The following ATP10B variants were observed in gnomAD, a reference collection of about 807,000 sequenced individuals.
The protein encoded by ATP10B is phospholipid-transporting ATPase VB.
Under a neutral mutation model 141.2 loss-of-function variants are expected in ATP10B, and 122 were observed. The observed-to-expected ratio is 0.86, with a 90% CI of 0.75 to 1.00. ATP10B has a LOEUF of 1.00. Among genes scored for constraint, ATP10B ranks in the 50% least tolerant of loss-of-function variants. ATP10B has a pLI of 0.00. For synonymous variants in ATP10B, 685 were observed against 692.0 expected (o/e 0.99, Z 0.16); for missense variants, 1,876 against 1,825.3 (o/e 1.03, Z -0.51).
At chr5:160,697,499 T>C (rs887150660) in intron 3 of ATP10B, among the ~76,000 whole-genome samples, 3 of 152,156 alleles carry the variant, frequency 2.0e-5, no homozygotes, top group Non-Finnish European at 2.9e-5. Flanking sequence ...AGAGCTGTGA[T>C]TGTGCCTTAT....
At chr5:160,600,877 A>G (rs1206674286) in intron 21 of ATP10B, among the ~76,000 whole-genome samples, 1 of 152,202 alleles carries the variant, frequency 6.6e-6, no homozygotes, top group African/African-American at 2.4e-5. Context: ...CCACCTTCTA[A>G]TTGCAACAGG....
At chr5:160,738,778 T>G (rs1767283845) in intron 2 of ATP10B, among the ~76,000 whole-genome samples, 1 of 152,166 alleles carries the variant, frequency 6.6e-6, no homozygotes. Context: ...GGCACATAGA[T>G]GGCTTCACTG....
chr5:160,604,917 A>G (rs6556504), intron 19 of ATP10B, among the ~76,000 whole-genome samples: 131,480 of 152,246 alleles, frequency 0.86, 57,216 homozygotes, highest in African/African-American at 0.96. Flanking sequence ...CCCAGAAGCC[A>G]AACTCTCCCC....
intron 2 of ATP10B, among the ~76,000 whole-genome samples, chr5:160,732,405 T>C (rs1766810821): frequency 6.6e-6 from 1 of 152,202 alleles, no homozygotes; most frequent in African/African-American, 2.4e-5. Flanking sequence ...TTTTCCTATG[T>C]TTTCTTCTAG....
intron 1 of ATP10B, among the ~76,000 whole-genome samples, chr5:160,834,144 C>CA (rs888575466): frequency 5.9e-5 from 9 of 151,838 alleles, no homozygotes; most frequent in Non-Finnish European, 1.2e-4. Context: ...GGCCAACAGA[C>CA]AAAATCCCAT....
At chr5:160,807,472 T>C (rs897493632) in intron 1 of ATP10B, among the ~76,000 whole-genome samples, 1 of 152,224 alleles carries the variant, frequency 6.6e-6, no homozygotes. Context: ...AGAGATGTTG[T>C]AAAGAATACT....
At chr5:160,722,295 A>G (rs754453816) in intron 2 of ATP10B, among the ~76,000 whole-genome samples, 14 of 152,238 alleles carry the variant, frequency 9.2e-5, no homozygotes, top group Non-Finnish European at 2.1e-4. Flanking sequence ...ACCACAAATT[A>G]AAGACGAAAT....
chr5:160,838,649 A>G (rs796571296), intron 1 of ATP10B, among the ~76,000 whole-genome samples: 4 of 152,208 alleles, frequency 2.6e-5, no homozygotes, highest in African/African-American at 7.2e-5. Flanking sequence ...ATACTTTGAG[A>G]AAAAAAAGTC....
At chr5:160,880,133 A>G in the ATP10B span, among the ~76,000 whole-genome samples, 20,417 of 147,578 alleles carry the variant, frequency 0.14, 1,515 homozygotes, top group African/African-American at 0.19. Flanking sequence ...AAGAAATTAT[A>G]TAATAGATTA....
chr5:160,910,533 T>C, the ATP10B span, among the ~76,000 whole-genome samples: 3 of 152,202 alleles, frequency 2.0e-5, no homozygotes, highest in African/African-American at 7.2e-5. Context: ...CAATGAGTAC[T>C]TGTATGAGTC....
chr5:160,884,194 GT>G, the ATP10B span, among the ~76,000 whole-genome samples: 1 of 152,126 alleles, frequency 6.6e-6, no homozygotes, highest in Non-Finnish European at 1.5e-5. Flanking sequence ...CAACCATCTT[GT>G]AACAGTCTTT....
chr5:160,569,950 A>G (rs1437271300), intron 24 of ATP10B, among the ~76,000 whole-genome samples: 1 of 152,112 alleles, frequency 6.6e-6, no homozygotes, highest in Non-Finnish European at 1.5e-5. Flanking sequence ...TAGGTTTACC[A>G]CCTATCTAGG....
chr5:160,731,985 G>A (rs1316216555), intron 2 of ATP10B, among the ~76,000 whole-genome samples: 1 of 152,042 alleles, frequency 6.6e-6, no homozygotes, highest in Non-Finnish European at 1.5e-5. Flanking sequence ...ATGTTGAACA[G>A]GTAAGACCCC....
the ATP10B span, among the ~76,000 whole-genome samples, chr5:160,873,305 A>C: frequency 1.3e-5 from 2 of 152,144 alleles, no homozygotes; most frequent in African/African-American, 4.8e-5. Flanking sequence ...TTCACGGTGA[A>C]ACTCAAAATT....
At chr5:160,684,477 C>T (rs1359052193) in intron 6 of ATP10B, among the ~76,000 whole-genome samples, 1 of 152,182 alleles carries the variant, frequency 6.6e-6, no homozygotes, top group East Asian at 1.9e-4. Context: ...CCATTGCTCC[C>T]CCAAATACAG....
chr5:160,674,696 C>G (rs1292869650), intron 6 of ATP10B, among the ~76,000 whole-genome samples: 1 of 151,924 alleles, frequency 6.6e-6, no homozygotes, highest in Non-Finnish European at 1.5e-5. Flanking sequence ...GCACACATAC[C>G]TCCAGGATAC....
chr5:160,923,551 G>T, the ATP10B span, among the ~76,000 whole-genome samples: 3 of 152,192 alleles, frequency 2.0e-5, no homozygotes, highest in South Asian at 6.2e-4. Flanking sequence ...GCAGTATTAT[G>T]CAACTGTGGA....
At chr5:160,828,872 C>A (rs1774839472) in intron 1 of ATP10B, among the ~76,000 whole-genome samples, 1 of 149,748 alleles carries the variant, frequency 6.7e-6, no homozygotes, top group African/African-American at 2.4e-5. Context: ...GAATACTATG[C>A]AGCCATAAAA....
intron 1 of ATP10B, among the ~76,000 whole-genome samples, chr5:160,827,359 T>G (rs993801806): frequency 6.6e-6 from 1 of 152,216 alleles, no homozygotes; most frequent in African/African-American, 2.4e-5. Context: ...GTCTGACTGG[T>G]GTGAGATGGT....
Sources: allele counts gnomAD v4.1 joint callset (sites outside exome capture counted in the v4.1 genomes callset), GRCh38; gene constraint gnomAD v4.1.1; transcripts MANE v1.5; gene names NCBI Gene and HGNC (gene_info 2026-07-23, HGNC 2026-07-21).